The following FAM168A variants were observed in gnomAD, a reference collection of about 807,000 sequenced individuals.
The protein encoded by FAM168A is family with sequence similarity 168 member A, also known as protein FAM168A.
Under a neutral mutation model 28.5 loss-of-function variants are expected in FAM168A, and 3 were observed. The observed-to-expected ratio is 0.11, with a 90% confidence interval of 0.05 to 0.27. The LOEUF is 0.27. Ranked by LOEUF, FAM168A falls within the 10% of genes least tolerant of loss-of-function variation. The probability of loss-of-function intolerance (pLI) is 1.00; values close to 1 mark genes in which losing one functional copy is unlikely to be tolerated. For missense variants in FAM168A, 222 were observed against 311.5 expected, an observed-to-expected ratio of 0.71 and a Z score of 2.16; for synonymous variants, 122 against 124.2, an observed-to-expected ratio of 0.98 and a Z score of 0.12.
At chr11:73,469,163 T>C (rs1412697743) in intron 1 of FAM168A, among the ~76,000 whole-genome samples, 1 of 152,232 alleles carries the variant, frequency 6.6e-6, no homozygotes, top group Non-Finnish European at 1.5e-5. Flanking sequence ...GAAATTTGTG[T>C]GCAATAAGTA....
intron 1 of FAM168A, among the ~76,000 whole-genome samples, chr11:73,495,127 T>TAA (rs765656317): frequency 0.012 from 1,546 of 125,672 alleles, 29 homozygotes; most frequent in African/African-American, 0.04. Flanking sequence ...GGTATAGACG[T>TAA]AAAAAAAAAA....
Position 73,440,497 on chromosome 11 carries a change from G to A in FAM168A, c.71-9727C>T, listed in dbSNP as rs572201280. 7.9e-5 allele frequency among the ~76,000 whole-genome samples: 12 copies of A among 152,116 alleles called. 1 individual carries two copies. The highest frequency in any genetic ancestry group is 1.6e-4 in the Non-Finnish European group (11 of 68,020). Reference sequence around the variant, plus strand: ...GACCCTGGCTCTACAAAAAGCGGTGGTGTGTGCCCACAGTCCCAGCTACAA... The same window carrying A: ...GACCCTGGCTCTACAAAAAGCGGTGATGTGTGCCCACAGTCCCAGCTACAA... On this transcript the variant is annotated intron_variant, in intron 2 of 7. Transcript: ENST00000356467.
chr11:73,468,223 G>A (rs1314929496), intron 2 of FAM168A, among the ~76,000 whole-genome samples, 182 bp downstream of exon 2: 1 of 152,226 alleles, frequency 6.6e-6, no homozygotes, highest in East Asian at 1.9e-4. Flanking sequence ...GTAGAACAAA[G>A]TTGGGAAACA....
At chr11:73,442,716 G>A (rs879834595) in intron 2 of FAM168A, among the ~76,000 whole-genome samples, 17 of 151,826 alleles carry the variant, frequency 1.1e-4, no homozygotes, top group Non-Finnish European at 2.2e-4. Context: ...TGTCTATCCT[G>A]AAGATTGTTC....
At chr11:73,561,504 G>T (rs1189442278) in intron 1 of FAM168A, among the ~76,000 whole-genome samples, 2 of 152,026 alleles carry the variant, frequency 1.3e-5, no homozygotes, top group Middle Eastern at 3.4e-3. Flanking sequence ...AGTACTCAGG[G>T]TTTTTCTTTT....
intron 3 of FAM168A, among the ~76,000 whole-genome samples, chr11:73,426,428 C>G (rs568763613): frequency 1.3e-5 from 2 of 152,190 alleles, no homozygotes; most frequent in Non-Finnish European, 2.9e-5. Context: ...AAAAATAGCT[C>G]TCTCTCAAGC....
intron 1 of FAM168A, among the ~76,000 whole-genome samples, chr11:73,584,613 A>G (rs539328440): frequency 8.6e-5 from 13 of 151,894 alleles, no homozygotes; most frequent in Non-Finnish European, 1.6e-4. Context: ...AGCCGGGACT[A>G]CAGGCGCCCG....
intron 3 of FAM168A, chr11:73,424,994 T>C (rs1210989513): frequency 6.6e-7 from 1 of 1,514,122 alleles, no homozygotes; most frequent in African/African-American, 1.4e-5. Context: ...TAGGCTGTAA[T>C]ACAGATGAGG....
In FAM168A at chr11:73,430,781, A is replaced by G. The variant is rs761897420; in HGVS notation, c.71-11T>C. 5.7e-6 allele frequency: 9 copies of G among 1,573,492 alleles called. No homozygotes were observed. The Admixed American group carries it at 1.4e-4, about 24-fold the overall frequency. On this transcript the variant is annotated splice_polypyrimidine_tract_variant and intron_variant, in intron 2 of 7. Coordinates refer to ENST00000356467, the MANE Select transcript of FAM168A (RefSeq NM_015159.3). Reference sequence around the variant, plus strand: ...AGGCTGTGGGGTAACCTACAGAGAGATAAGAAAAGGCTTATTTAGTTAGGC... The same window carrying G: ...AGGCTGTGGGGTAACCTACAGAGAGGTAAGAAAAGGCTTATTTAGTTAGGC...
chr11:73,589,473 C>T (rs1234165852), intron 1 of FAM168A, among the ~76,000 whole-genome samples: 1 of 143,156 alleles, frequency 7.0e-6, no homozygotes, highest in African/African-American at 2.6e-5. Flanking sequence ...AATACACCAA[C>T]ACTAACGATA....
intron 1 of FAM168A, among the ~76,000 whole-genome samples, chr11:73,496,440 A>G (rs1854877199): frequency 6.6e-6 from 1 of 152,236 alleles, no homozygotes; most frequent in South Asian, 2.1e-4. Context: ...CAGTTTTGCA[A>G]GATGAAAAAG....
intron 7 of FAM168A, among the ~76,000 whole-genome samples, 192 bp from the exon 8 acceptor site, chr11:73,406,936 G>A (rs1408602886): frequency 6.6e-6 from 1 of 152,210 alleles, no homozygotes; most frequent in Non-Finnish European, 1.5e-5. Flanking sequence ...GGATTTCAAA[G>A]TGACATCCCT....
intron 1 of FAM168A, among the ~76,000 whole-genome samples, chr11:73,592,257 G>A (rs992722297): frequency 6.6e-6 from 1 of 152,230 alleles, no homozygotes; most frequent in Non-Finnish European, 1.5e-5. Context: ...GGAGGAGGAG[G>A]TGTATTGGAA....
chr11:73,411,363 T>G (rs772757315), intron 5 of FAM168A, 31 bp downstream of exon 5: 1 of 1,556,944 alleles, frequency 6.4e-7, no homozygotes. Context: ...CTCCTCTACC[T>G]GCAGAAGAGG....
chr11:73,528,571 T>C (rs541537500), intron 1 of FAM168A, among the ~76,000 whole-genome samples: 7 of 152,342 alleles, frequency 4.6e-5, no homozygotes, highest in African/African-American at 1.7e-4. Context: ...ATTCTGTCTA[T>C]GCAGTAGCTG....
chr11:73,587,167 A>AC (rs199968898), intron 1 of FAM168A, among the ~76,000 whole-genome samples: 9,849 of 149,272 alleles, frequency 0.066, 456 homozygotes, highest in Non-Finnish European at 0.1. Context: ...AAAAAAAAAA[A>AC]AAAAAAAAAA....
chr11:73,461,565 T>A (rs1224886718), intron 2 of FAM168A, among the ~76,000 whole-genome samples: 2 of 152,156 alleles, frequency 1.3e-5, no homozygotes, highest in Non-Finnish European at 2.9e-5. Context: ...AGAATATAGA[T>A]AAATAGGATG....
At chr11:73,459,379 G>C (rs537941065) in intron 2 of FAM168A, among the ~76,000 whole-genome samples, 3 of 151,918 alleles carry the variant, frequency 2.0e-5, no homozygotes, top group Admixed American at 6.6e-5. Context: ...TCAGCTACTC[G>C]GGAGGCTGAG....
chr11:73,452,577 G>A (rs1796773302), intron 2 of FAM168A, among the ~76,000 whole-genome samples: 1 of 152,170 alleles, frequency 6.6e-6, no homozygotes, highest in African/African-American at 2.4e-5. Context: ...AGTGCTAGAA[G>A]AGAAGGAGGC....
Sources: gnomAD v4.1 joint callset for allele counts (sites outside exome capture counted in the v4.1 genomes callset) on GRCh38, gnomAD v4.1.1 for gene constraint, MANE v1.5 for transcripts, NCBI Gene and HGNC (gene_info 2026-07-23, HGNC 2026-07-21) for gene names.